Variants in OSBP2 observed in about 807,000 individuals in gnomAD.
OSBP2 encodes the protein oxysterol-binding protein 2.
OSBP2 carries 66 observed loss-of-function variants against 96.0 expected under a neutral mutation model. The ratio of observed to expected loss-of-function variants is 0.69; its 90% CI spans 0.56 to 0.84. OSBP2 has a LOEUF of 0.84. OSBP2 is among the 40% of genes least tolerant of loss of function. OSBP2 has a pLI of 0.00. For missense variants in OSBP2, 1,038 were observed against 1,222.7 expected, an observed-to-expected ratio of 0.85 and a Z score of 2.25; for synonymous variants, 525 against 520.9, an observed-to-expected ratio of 1.01 and a Z score of -0.11.
chr22:30,894,405 T>TATCA (rs2040020043), intron 12 of OSBP2: 1 of 180,940 alleles, frequency 5.5e-6, no homozygotes. Context: ...AGCTAGAATC[T>TATCA]ATCACCTGAA....
chr22:30,903,672 G>A (rs2040264478), intron 12 of OSBP2, among the ~76,000 whole-genome samples: 1 of 152,210 alleles, frequency 6.6e-6, no homozygotes, highest in African/African-American at 2.4e-5. Flanking sequence ...CTTTTCTCCT[G>A]GGCCAAGGCA....
At chr22:30,751,244 A>G (rs1354737820) in intron 2 of OSBP2, among the ~76,000 whole-genome samples, 2 of 152,076 alleles carry the variant, frequency 1.3e-5, no homozygotes, top group Non-Finnish European at 2.9e-5. Flanking sequence ...TGTTCTCAGG[A>G]TCTCCTGAGG....
chr22:30,889,364 C>G (rs2039891721), intron 6 of OSBP2, 126 bp from the exon 7 acceptor site: 1 of 1,420,164 alleles, frequency 7.0e-7, no homozygotes, highest in African/African-American at 1.4e-5. Context: ...ACCATCCTGG[C>G]CTTCCACCAG....
At chr22:30,891,097 G>T in intron 8 of OSBP2, 124 bp downstream of exon 8, 1 of 1,231,664 alleles carries the variant, frequency 8.1e-7, no homozygotes, top group Non-Finnish European at 1.1e-6. Context: ...TACCCAAGGG[G>T]CCATCAAGCT....
At chr22:30,708,982 C>T (rs1413207819) in intron 1 of OSBP2, among the ~76,000 whole-genome samples, 1 of 151,762 alleles carries the variant, frequency 6.6e-6, no homozygotes, top group Admixed American at 6.6e-5. Context: ...TGCCTGTAAT[C>T]CCAGCTATTT....
At chr22:30,876,080 G>A (rs560266949) in intron 3 of OSBP2, among the ~76,000 whole-genome samples, 1 of 152,378 alleles carries the variant, frequency 6.6e-6, no homozygotes, top group Non-Finnish European at 1.5e-5. Flanking sequence ...GCTGACCACA[G>A]CCCAGCGGGA....
At chr22:30,778,526 A>G (rs990808323) in intron 2 of OSBP2, among the ~76,000 whole-genome samples, 1 of 152,100 alleles carries the variant, frequency 6.6e-6, no homozygotes, top group African/African-American at 2.4e-5. Context: ...ATGGCCTGTT[A>G]TAACACCCAC....
chr22:30,833,146 G>T (rs1268314863), intron 2 of OSBP2, among the ~76,000 whole-genome samples: 1 of 152,134 alleles, frequency 6.6e-6, no homozygotes, highest in Non-Finnish European at 1.5e-5. Flanking sequence ...TCTTAGAGAT[G>T]ATTTACCAAA....
intron 1 of OSBP2, among the ~76,000 whole-genome samples, chr22:30,731,880 C>T (rs1160210956): frequency 6.6e-6 from 1 of 152,184 alleles, no homozygotes; most frequent in East Asian, 1.9e-4. Context: ...CATTTCCCTC[C>T]TGCACTACCC....
At chr22:30,903,016 C>T (rs2040250757) in intron 12 of OSBP2, among the ~76,000 whole-genome samples, 1 of 152,180 alleles carries the variant, frequency 6.6e-6, no homozygotes, top group Admixed American at 6.5e-5. Context: ...TCTACCACTG[C>T]TTCCCCATTT....
At chr22:30,867,324 C>T (rs113593802) in intron 2 of OSBP2, among the ~76,000 whole-genome samples, 43 of 152,312 alleles carry the variant, frequency 2.8e-4, no homozygotes, top group African/African-American at 1.0e-3. Context: ...AGGCCCCTTA[C>T]CTTCTCCCCT....
At chr22:30,714,341 A>G (rs2089409774) in intron 1 of OSBP2, among the ~76,000 whole-genome samples, 1 of 152,038 alleles carries the variant, frequency 6.6e-6, no homozygotes, top group Non-Finnish European at 1.5e-5. Flanking sequence ...TATCTTGGCT[A>G]TTGTGAATAG....
At position 30,899,991 on chromosome 22, in the gene OSBP2, G is replaced by C. The variant is rs149424675; in HGVS notation, c.2376-5846G>C. Among the ~76,000 whole-genome samples, 1,507 of 152,308 alleles carry C rather than the reference G, an allele frequency of 9.9e-3. 31 individuals carry two copies. Among genetic ancestry groups the C allele is most frequent in the African/African-American group, 0.035 (1,452 of 41,548 alleles). ...TAAGACACCAAGACTGGGCGCAGTG[G>C]CTCATGCCTGTAATCCCAGCACTTT... is the stretch of plus-strand genomic sequence containing the variant. On this transcript the variant is annotated intron_variant, in intron 12 of 13. Transcript: ENST00000332585.
chr22:30,905,090 A>G (rs940260850), intron 12 of OSBP2, among the ~76,000 whole-genome samples: 1 of 147,314 alleles, frequency 6.8e-6, no homozygotes, highest in Non-Finnish European at 1.5e-5. Context: ...TGAGCGAAGC[A>G]TCAGGCCACT....
chr22:30,730,610 C>T (rs971358797), intron 1 of OSBP2, among the ~76,000 whole-genome samples: 1 of 151,336 alleles, frequency 6.6e-6, no homozygotes, highest in African/African-American at 2.4e-5. Flanking sequence ...GAATCAGGGT[C>T]ACCTTGAGCT....
Position 30,905,224 on chromosome 22 carries a change from C to T in OSBP2, c.2376-613C>T, listed in dbSNP as rs534990635. Among the ~76,000 whole-genome samples the T allele has an allele frequency of 2.0e-3, 293 of 144,392 alleles. 1 individual carries two copies. Among genetic ancestry groups the T allele is most frequent in the African/African-American group, 7.0e-3 (275 of 39,236 alleles). The allele number at this position is 144,392 out of a possible 152,430, so 94.7% of individuals were successfully genotyped here. A position where few individuals can be genotyped will look rare whatever the true frequency, so the allele number is the denominator to read the frequency against. ...GCAATGGTGTGATCTCGGCTCACCA[C>T]AACCTCGGCCTCCTGGGGTTCAAGC... On this transcript the variant is annotated intron_variant, in intron 12 of 13. Coordinates refer to ENST00000332585, the MANE Select transcript of OSBP2 (RefSeq NM_030758.4).
Position 30,695,029 on chromosome 22 carries a change from C to A in OSBP2, c.120C>A (p.Ser40Arg). Reference protein sequence around the residue: ...LSCHTAAPGMSASTSGSGPEP... With the variant: ...LSCHTAAPGMRASTSGSGPEP... ...GCCACACGGCGGCGCCGGGCATGAGCGCTTCCACGTCCGGCTCCGGGCCGG... is the reference window on the plus strand; with the variant it reads ...GCCACACGGCGGCGCCGGGCATGAGAGCTTCCACGTCCGGCTCCGGGCCGG... The change falls in exon 1 of 14, where the codon AGC (serine) becomes AGA (arginine). Residue 40 changes from serine (S) to arginine (R), a missense_variant. Ser to Arg is a moderately radical substitution (Grantham distance 110). Around this residue, in one of 3 missense-constraint regions of OSBP2, gnomAD observed 281 missense variants for 273.4 expected, o/e 1.03. Coordinates refer to ENST00000332585, the MANE Select transcript of OSBP2 (RefSeq NM_030758.4). 6.3e-7 allele frequency: 1 copy of A among 1,588,454 alleles called. No individual in the cohort carries two copies. The highest frequency in any genetic ancestry group is 8.6e-7 in the Non-Finnish European group (1 of 1,169,334).
intron 2 of OSBP2, among the ~76,000 whole-genome samples, chr22:30,742,146 T>C (rs2089946933): frequency 6.6e-6 from 1 of 150,718 alleles, no homozygotes; most frequent in Non-Finnish European, 1.5e-5. Flanking sequence ...AAATATGTAA[T>C]GTTCGGCTGG....
chr22:30,878,868 G>A (rs186908641), intron 3 of OSBP2, among the ~76,000 whole-genome samples: 3 of 152,210 alleles, frequency 2.0e-5, no homozygotes, highest in South Asian at 2.1e-4. Flanking sequence ...GAGTCGGCTC[G>A]GGGGACACTC....
Sources: gnomAD v4.1 joint callset for allele counts (sites outside exome capture counted in the v4.1 genomes callset) on GRCh38, gnomAD v4.1.1 for gene constraint, gnomAD v4.1.1 regional missense constraint, MANE v1.5 for transcripts, NCBI Gene and HGNC (gene_info 2026-07-23, HGNC 2026-07-21) for gene names.